The following HMBOX1 variants were observed in gnomAD, a reference collection of about 807,000 sequenced individuals.
HMBOX1 encodes homeobox containing 1, also known as homeobox-containing protein 1.
A neutral mutation model predicts 54.5 loss-of-function variants in HMBOX1; 14 were observed. The observed-to-expected ratio is 0.26, with a 90% confidence interval of 0.17 to 0.40. HMBOX1 has a LOEUF of 0.40. Among genes scored for constraint, HMBOX1 ranks in the 10% least tolerant of loss-of-function variants. The pLI is 1.00. For missense variants in HMBOX1, 332 were observed against 514.4 expected, an observed-to-expected ratio of 0.65 and a Z score of 3.43; for synonymous variants, 160 against 181.0, an observed-to-expected ratio of 0.88 and a Z score of 0.93.
intron 4 of HMBOX1, among the ~76,000 whole-genome samples, chr8:29,003,053 G>A (rs771133745): frequency 6.6e-6 from 1 of 151,718 alleles, no homozygotes; most frequent in South Asian, 2.1e-4. Context: ...CTTATACTAC[G>A]GTTAGAGTAT....
At chr8:29,007,237 C>T (rs1435245808) in intron 4 of HMBOX1, among the ~76,000 whole-genome samples, 1 of 151,624 alleles carries the variant, frequency 6.6e-6, no homozygotes, top group African/African-American at 2.4e-5. Flanking sequence ...TGCAGTGAAC[C>T]GAGATCACGC....
intron 1 of HMBOX1, among the ~76,000 whole-genome samples, chr8:28,937,502 A>G (rs1171539793): frequency 6.6e-6 from 1 of 152,202 alleles, no homozygotes; most frequent in Non-Finnish European, 1.5e-5. Context: ...TGTTTATGAA[A>G]ATAGAGTGCA....
Position 28,969,748 on chromosome 8 carries a change from C to G in HMBOX1, c.24-295C>G, listed in dbSNP as rs138333640. ...CACTCCATGTACCTAATCTATTGTT[C>G]TGGTATTATTTACATAACTAAAATT... is the stretch of plus-strand genomic sequence containing the variant. On this transcript the variant is annotated intron_variant, in intron 2 of 9. Coordinates refer to ENST00000287701, the MANE Select transcript of HMBOX1 (RefSeq NM_001135726.3). Among the ~76,000 whole-genome samples the G allele has an allele frequency of 7.4e-4, 113 of 152,168 alleles. 1 individual carries two copies. Among genetic ancestry groups the G allele is most frequent in the African/African-American group, 2.6e-3 (107 of 41,516 alleles).
At chr8:28,909,016 G>T (rs1814891574) in intron 1 of HMBOX1, among the ~76,000 whole-genome samples, 1 of 151,500 alleles carries the variant, frequency 6.6e-6, no homozygotes, top group Non-Finnish European at 1.5e-5. Context: ...AGGATCATTT[G>T]AGCCAAAGTT....
intron 5 of HMBOX1, chr8:29,009,874 T>C (rs1834006719): frequency 8.7e-7 from 1 of 1,146,566 alleles, no homozygotes; most frequent in African/African-American, 1.7e-5. Context: ...ATCTATACTT[T>C]ACACAGGCAA....
chr8:28,932,030 A>G (rs1215862812), intron 1 of HMBOX1, among the ~76,000 whole-genome samples: 1 of 152,248 alleles, frequency 6.6e-6, no homozygotes, highest in Non-Finnish European at 1.5e-5. Flanking sequence ...AGTCAGGGTT[A>G]TGATAGTATT....
chr8:28,898,698 T>C (rs1343247391), intron 1 of HMBOX1, among the ~76,000 whole-genome samples: 1 of 152,258 alleles, frequency 6.6e-6, no homozygotes, highest in African/African-American at 2.4e-5. Flanking sequence ...TCTGCTTCTC[T>C]GACTGGTAAG....
intron 4 of HMBOX1, among the ~76,000 whole-genome samples, chr8:28,987,042 A>G (rs1017343532): frequency 6.6e-6 from 1 of 152,140 alleles, no homozygotes; most frequent in Non-Finnish European, 1.5e-5. Flanking sequence ...AGTCATCTCA[A>G]ATGCAGTGCA....
intron 4 of HMBOX1, among the ~76,000 whole-genome samples, chr8:28,997,415 G>T (rs1007318012): frequency 1.3e-5 from 2 of 152,098 alleles, no homozygotes; most frequent in Non-Finnish European, 2.9e-5. Context: ...TTCGTGTGTT[G>T]AGTAAACCTT....
chr8:29,018,706 T>C (rs1800712084), intron 5 of HMBOX1, 54 bp from the exon 6 acceptor site: 2 of 1,570,660 alleles, frequency 1.3e-6, no homozygotes, highest in Non-Finnish European at 1.7e-6. Flanking sequence ...GTAGATGTTA[T>C]ATTGTTTTAA....
intron 3 of HMBOX1, among the ~76,000 whole-genome samples, chr8:28,971,741 A>T (rs986764280): frequency 6.6e-6 from 1 of 152,192 alleles, no homozygotes; most frequent in East Asian, 1.9e-4. Flanking sequence ...TTTGAGTTCC[A>T]TACTAGTTTA....
chr8:29,017,002 C>T (rs1835122043), intron 5 of HMBOX1, among the ~76,000 whole-genome samples: 1 of 152,216 alleles, frequency 6.6e-6, no homozygotes, highest in African/African-American at 2.4e-5. Context: ...TTGATGTCCA[C>T]ATTCCTGTGC....
At chr8:28,949,076 G>A (rs781424838) in intron 1 of HMBOX1, among the ~76,000 whole-genome samples, 6 of 152,168 alleles carry the variant, frequency 3.9e-5, no homozygotes, top group African/African-American at 4.8e-5. Flanking sequence ...AAATATTCCC[G>A]ATGTATGCCA....
intron 1 of HMBOX1, among the ~76,000 whole-genome samples, chr8:28,957,162 C>T (rs1034192798): frequency 5.3e-5 from 8 of 152,100 alleles, no homozygotes; most frequent in Non-Finnish European, 8.8e-5. Context: ...ATGCAATCAG[C>T]GTAGGTCCCT....
intron 1 of HMBOX1, among the ~76,000 whole-genome samples, chr8:28,917,002 G>A (rs943104734): frequency 6.6e-6 from 1 of 151,062 alleles, no homozygotes; most frequent in African/African-American, 2.4e-5. Flanking sequence ...AGGAGGCAGA[G>A]GTTACAGTGA....
intron 3 of HMBOX1, among the ~76,000 whole-genome samples, chr8:28,975,951 TGAG>T (rs1828285732): frequency 6.6e-6 from 1 of 152,078 alleles, no homozygotes; most frequent in Non-Finnish European, 1.5e-5. Flanking sequence ...GAAGGCTGAA[TGAG>T]GAGAGAATGA....
intron 1 of HMBOX1, among the ~76,000 whole-genome samples, chr8:28,942,913 T>G (rs1432853985): frequency 6.6e-6 from 1 of 152,248 alleles, no homozygotes; most frequent in Non-Finnish European, 1.5e-5. Context: ...GCATTGTAAT[T>G]TGGATCCTGC....
chr8:28,919,694 G>A (rs1817204011), intron 1 of HMBOX1, among the ~76,000 whole-genome samples: 1 of 152,082 alleles, frequency 6.6e-6, no homozygotes, highest in African/African-American at 2.4e-5. Context: ...TATAATTTTG[G>A]ATGTCATAGT....
chr8:29,049,174 C>A, intron 9 of HMBOX1, 126 bp downstream of exon 9: 2 of 1,488,746 alleles, frequency 1.3e-6, no homozygotes, highest in East Asian at 2.3e-5. Flanking sequence ...CTCCACTCTG[C>A]TCCTGTGTCT....
Sources: gnomAD v4.1 joint callset for allele counts (sites outside exome capture counted in the v4.1 genomes callset) on GRCh38, gnomAD v4.1.1 for gene constraint, MANE v1.5 for transcripts, NCBI Gene and HGNC (gene_info 2026-07-23, HGNC 2026-07-21) for gene names.